Variants in TPH2 observed in about 807,000 individuals in gnomAD.
The protein encoded by TPH2 is tryptophan hydroxylase 2, also known as tryptophan 5-hydroxylase 2.
A neutral mutation model predicts 59.1 loss-of-function variants in TPH2; 27 were observed. The ratio of observed to expected loss-of-function variants is 0.46; its 90% CI spans 0.34 to 0.63. TPH2 has a LOEUF of 0.63. Among genes scored for constraint, TPH2 ranks in the 30% least tolerant of loss-of-function variants. TPH2 has a pLI of 0.01. For missense variants in TPH2, 523 were observed against 588.3 expected (o/e 0.89, Z 1.15); for synonymous variants, 220 against 210.5 (o/e 1.05, Z -0.39).
chr12:71,965,990 T>C (rs1215715337), intron 5 of TPH2, among the ~76,000 whole-genome samples: 1 of 152,168 alleles, frequency 6.6e-6, no homozygotes. Flanking sequence ...TGAATTCCTT[T>C]AAAAGGTTAC....
chr12:72,030,587 T>TTCTA (rs1873693558), intron 9 of TPH2, among the ~76,000 whole-genome samples: 1 of 152,194 alleles, frequency 6.6e-6, no homozygotes, highest in South Asian at 2.1e-4. Flanking sequence ...TTTCCTGTTT[T>TTCTA]TCTAATACCT....
At chr12:71,952,381 G>T (rs1290685239) in intron 5 of TPH2, among the ~76,000 whole-genome samples, 2 of 152,088 alleles carry the variant, frequency 1.3e-5, no homozygotes, top group East Asian at 1.9e-4. Flanking sequence ...AAGTGCTAAG[G>T]TTCAAGGGGC....
intron 5 of TPH2, among the ~76,000 whole-genome samples, chr12:71,967,263 A>G (rs1006474356): frequency 6.6e-6 from 1 of 152,216 alleles, no homozygotes; most frequent in African/African-American, 2.4e-5. Context: ...GTTTTTCAGA[A>G]TCATCTCCTT....
chr12:71,961,505 A>G, intron 5 of TPH2: 1 of 1,347,716 alleles, frequency 7.4e-7, no homozygotes, highest in Non-Finnish European at 9.8e-7. Flanking sequence ...TGCAAGATGT[A>G]TCTGATTAAA....
chr12:71,951,702 ATGTGTGTGTG>A (rs147723226), intron 5 of TPH2, among the ~76,000 whole-genome samples: 7 of 148,924 alleles, frequency 4.7e-5, no homozygotes, highest in Non-Finnish European at 7.5e-5. Flanking sequence ...GTGTGTGTGC[ATGTGTGTGTG>A]TGTGTGTGTG....
At chr12:71,986,690 C>A (rs1278066465) in intron 7 of TPH2, among the ~76,000 whole-genome samples, 1 of 149,466 alleles carries the variant, frequency 6.7e-6, no homozygotes, top group African/African-American at 2.5e-5. Context: ...TCTCCCCTAC[C>A]CCTGCACCCA....
chr12:72,028,639 G>A (rs1873634014), intron 9 of TPH2, among the ~76,000 whole-genome samples: 1 of 152,020 alleles, frequency 6.6e-6, no homozygotes, highest in Non-Finnish European at 1.5e-5. Context: ...CCATCTCCAG[G>A]TTCTTGTCAT....
chr12:72,001,548 C>G (rs1000946230), intron 8 of TPH2, among the ~76,000 whole-genome samples: 2 of 151,946 alleles, frequency 1.3e-5, no homozygotes, highest in Non-Finnish European at 2.9e-5. Flanking sequence ...GCCTCAGCCC[C>G]CCGGGTAGAT....
chr12:71,944,111 T>C (rs900473968), intron 2 of TPH2, among the ~76,000 whole-genome samples, 183 bp from the exon 3 acceptor site: 1 of 152,110 alleles, frequency 6.6e-6, no homozygotes, highest in Non-Finnish European at 1.5e-5. Flanking sequence ...TATAAATATA[T>C]AGATTTTTTA....
At chr12:71,971,108 A>G (rs1032134762) in intron 5 of TPH2, among the ~76,000 whole-genome samples, 1 of 151,978 alleles carries the variant, frequency 6.6e-6, no homozygotes, top group African/African-American at 2.4e-5. Flanking sequence ...CCTCTATCTC[A>G]TTTTTCTCTA....
chr12:71,999,542 C>T (rs975090362), intron 8 of TPH2, among the ~76,000 whole-genome samples: 1 of 152,150 alleles, frequency 6.6e-6, no homozygotes, highest in African/African-American at 2.4e-5. Flanking sequence ...CTGCTATTTA[C>T]CACTGTAGCA....
intron 8 of TPH2, among the ~76,000 whole-genome samples, chr12:72,009,378 C>G (rs894067283): frequency 6.6e-6 from 1 of 152,282 alleles, no homozygotes; most frequent in South Asian, 2.1e-4. Flanking sequence ...AGTCATCATC[C>G]TTTATTGTCT....
chr12:71,945,809 CA>C (rs780550442), intron 4 of TPH2, among the ~76,000 whole-genome samples: 12 of 152,144 alleles, frequency 7.9e-5, no homozygotes, highest in Non-Finnish European at 1.6e-4. Flanking sequence ...AACAAATGGT[CA>C]AACAGACCTA....
At chr12:72,026,203 A>AT (rs200217774) in intron 9 of TPH2, among the ~76,000 whole-genome samples, 194 of 145,462 alleles carry the variant, frequency 1.3e-3, no homozygotes, top group Middle Eastern at 3.5e-3. Context: ...CAGAGATTAG[A>AT]TTTTTTTTTT....
chr12:71,983,554 TCTC>T (rs1872347017), intron 7 of TPH2, among the ~76,000 whole-genome samples: 1 of 152,076 alleles, frequency 6.6e-6, no homozygotes, highest in Admixed American at 6.5e-5. Flanking sequence ...ATCTCCCTGA[TCTC>T]CTTTTTGTCT....
chr12:71,992,799 A>G (rs565163876), intron 7 of TPH2, among the ~76,000 whole-genome samples: 9 of 152,318 alleles, frequency 5.9e-5, no homozygotes, highest in Admixed American at 3.9e-4. Flanking sequence ...CACAGTACCT[A>G]GTACATAGTA....
At chr12:71,995,036 G>A (rs1185157294) in intron 8 of TPH2, among the ~76,000 whole-genome samples, 1 of 152,128 alleles carries the variant, frequency 6.6e-6, no homozygotes, top group Non-Finnish European at 1.5e-5. Context: ...TGATAAAGTA[G>A]GGGTTGCACC....
At chr12:72,020,552 G>A (rs1370049728) in intron 8 of TPH2, among the ~76,000 whole-genome samples, 3 of 152,010 alleles carry the variant, frequency 2.0e-5, no homozygotes, top group Non-Finnish European at 4.4e-5. Flanking sequence ...GTAATGGCAC[G>A]AACTCAGCTC....
chr12:71,979,054 G>A lies in TPH2; in HGVS notation c.908G>A (p.Arg303Gln), dbSNP rs953539388. 5.0e-6 allele frequency: 8 copies of A among 1,614,098 alleles called. No individual in the cohort carries two copies. The highest frequency in any genetic ancestry group is 1.1e-5 in the South Asian group (1 of 91,084). ...GTGTTCCACTGTACCCAGTACATCC[G>A]GCATGGCTCAGATCCCCTCTACACC... ...YRVFHCTQYI[R>Q]HGSDPLYTPE... The change falls in exon 7 of 11, where the codon CGG becomes CAG. Residue 303 changes from arginine to glutamine, a missense_variant. Arg to Gln is a conservative substitution (Grantham distance 43). Transcript: ENST00000333850.
Sources: allele counts gnomAD v4.1 joint callset (sites outside exome capture counted in the v4.1 genomes callset), GRCh38; gene constraint gnomAD v4.1.1; transcripts MANE v1.5; gene names NCBI Gene and HGNC (gene_info 2026-07-23, HGNC 2026-07-21).